Variants in ATRNL1 observed in about 807,000 individuals in gnomAD.
ATRNL1 encodes the protein attractin like 1, also known as attractin-like protein 1.
In ATRNL1, 95 loss-of-function variants were observed where a neutral mutation model predicts 182.7. The observed-to-expected ratio is 0.52, with a 90% confidence interval of 0.44 to 0.62. The LOEUF (loss-of-function observed/expected upper bound fraction) is 0.62. Ranked by LOEUF, ATRNL1 falls within the 20% of genes least tolerant of loss-of-function variation. The pLI, the probability that ATRNL1 is intolerant of heterozygous loss-of-function variation, is 0.00. For synonymous variants in ATRNL1, 576 were observed against 568.3 expected, an observed-to-expected ratio of 1.01 and a Z score of -0.19; for missense variants, 1,471 against 1,679.5, an observed-to-expected ratio of 0.88 and a Z score of 2.17.
Position 115,093,769 on chromosome 10 carries a change from G to C in ATRNL1, c.19G>C (p.Ala7Pro). Reference sequence around the variant, plus strand: ...GGGGAAGATGGAGACTGGGGGCCGGGCCCGCACTGGTACCCCGCAGCCAGC... The same window carrying C: ...GGGGAAGATGGAGACTGGGGGCCGGCCCCGCACTGGTACCCCGCAGCCAGC... The part of the protein sequence containing the change: METGGR[A>P]RTGTPQPAAP... The change falls in exon 1 of 29, where the codon GCC (alanine) becomes CCC (proline). Residue 7 changes from alanine to proline, a missense_variant. Physicochemically the swap from Ala to Pro is conservative, Grantham distance 27 (BLOSUM62 -1). Around this residue, in one of 3 missense-constraint regions of ATRNL1, gnomAD observed 1,031 missense variants for 1,156.0 expected, o/e 0.89. Coordinates refer to ENST00000355044, the MANE Select transcript of ATRNL1 (RefSeq NM_207303.4). The surrounding 1 kb of genome is among the most constrained non-coding windows in gnomAD (Gnocchi z 6.1). The C allele has an allele frequency of 7.7e-6, 11 of 1,423,450 alleles. No homozygotes were observed. Among genetic ancestry groups the C allele is most frequent in the Non-Finnish European group, 9.1e-6 (10 of 1,096,412 alleles). The allele number at this position is 1,423,450 out of a possible 1,614,324, so 88.2% of individuals were successfully genotyped here.
chr10:115,648,241 T>C (rs974409791), intron 26 of ATRNL1, among the ~76,000 whole-genome samples: 1 of 152,074 alleles, frequency 6.6e-6, no homozygotes, highest in East Asian at 1.9e-4. Flanking sequence ...GGAATCCAAC[T>C]TACAAGGGAT....
intron 14 of ATRNL1, among the ~76,000 whole-genome samples, chr10:115,285,475 T>C (rs1852564692): frequency 6.6e-6 from 1 of 152,120 alleles, no homozygotes; most frequent in Non-Finnish European, 1.5e-5. Flanking sequence ...TAGATCAGTA[T>C]ATCAATGAAA....
At chr10:115,251,712 T>G (rs1256969496) in intron 10 of ATRNL1, among the ~76,000 whole-genome samples, 2 of 152,032 alleles carry the variant, frequency 1.3e-5, no homozygotes, top group Non-Finnish European at 2.9e-5. Flanking sequence ...GTGCACATTT[T>G]TAGACTTTTA....
intron 27 of ATRNL1, among the ~76,000 whole-genome samples, chr10:115,821,030 G>A (rs1281360990): frequency 6.6e-6 from 1 of 152,090 alleles, no homozygotes; most frequent in African/African-American, 2.4e-5. Flanking sequence ...ACTTTCTCAA[G>A]CCTGCTGCCA....
At chr10:115,365,104 C>T (rs1856960140) in intron 19 of ATRNL1, among the ~76,000 whole-genome samples, 1 of 150,434 alleles carries the variant, frequency 6.6e-6, no homozygotes, top group Admixed American at 6.6e-5. Context: ...GGTACCAGTT[C>T]CTCCTTGTAC....
At chr10:115,238,287 A>C (rs1850269504) in intron 9 of ATRNL1, among the ~76,000 whole-genome samples, 1 of 152,326 alleles carries the variant, frequency 6.6e-6, no homozygotes, top group South Asian at 2.1e-4. Context: ...TTATTACTAA[A>C]AATCTTGCTG....
intron 28 of ATRNL1, among the ~76,000 whole-genome samples, chr10:115,908,666 G>A (rs1565478010): frequency 6.6e-6 from 1 of 152,122 alleles, no homozygotes. Context: ...TGCCACAGAG[G>A]CACAAGGCAA....
chr10:115,834,300 T>G (rs1285033560), intron 27 of ATRNL1, among the ~76,000 whole-genome samples: 1 of 152,222 alleles, frequency 6.6e-6, no homozygotes, highest in Non-Finnish European at 1.5e-5. Context: ...ATCAGATATT[T>G]TAAAGCTTCC....
At chr10:115,713,482 T>TG (rs1228637310) in intron 26 of ATRNL1, among the ~76,000 whole-genome samples, 1 of 152,014 alleles carries the variant, frequency 6.6e-6, no homozygotes, top group African/African-American at 2.4e-5. Context: ...TGTGTGTCTG[T>TG]GTGAAGATGA....
chr10:115,219,654 G>A (rs1849369286), intron 9 of ATRNL1, among the ~76,000 whole-genome samples: 1 of 152,220 alleles, frequency 6.6e-6, no homozygotes, highest in Non-Finnish European at 1.5e-5. Context: ...TGTGATGCCA[G>A]CACTTTGTGA....
At chr10:115,264,860 A>G (rs1244191404) in intron 10 of ATRNL1, among the ~76,000 whole-genome samples, 1 of 151,630 alleles carries the variant, frequency 6.6e-6, no homozygotes, top group Non-Finnish European at 1.5e-5. Flanking sequence ...CTATACTGAC[A>G]TTCATAAGTT....
intron 27 of ATRNL1, among the ~76,000 whole-genome samples, chr10:115,749,454 A>G (rs1342327661): frequency 2.6e-5 from 4 of 151,860 alleles, no homozygotes; most frequent in Non-Finnish European, 4.4e-5. Flanking sequence ...AGTTTTCATT[A>G]TATATTAGTA....
intron 26 of ATRNL1, among the ~76,000 whole-genome samples, chr10:115,559,407 T>G (rs1853527874): frequency 6.9e-6 from 1 of 144,694 alleles, no homozygotes; most frequent in Admixed American, 7.0e-5. Flanking sequence ...ACTCTCATTC[T>G]TGGTGTTTGT....
chr10:115,515,366 A>T (rs1850586928), intron 24 of ATRNL1, among the ~76,000 whole-genome samples: 1 of 136,160 alleles, frequency 7.3e-6, no homozygotes. Context: ...ATATATTTTA[A>T]TATTGGAAGT....
intron 27 of ATRNL1, among the ~76,000 whole-genome samples, chr10:115,834,960 A>C (rs1950636354): frequency 6.6e-6 from 1 of 152,210 alleles, no homozygotes; most frequent in African/African-American, 2.4e-5. Context: ...TACTTGGAAC[A>C]TGTATTAGTA....
intron 28 of ATRNL1, among the ~76,000 whole-genome samples, chr10:115,906,177 A>C (rs1952497655): frequency 6.6e-6 from 1 of 152,178 alleles, no homozygotes; most frequent in African/African-American, 2.4e-5. Flanking sequence ...TGTTTTAAAA[A>C]TTATAATTAT....
intron 21 of ATRNL1, among the ~76,000 whole-genome samples, chr10:115,438,149 A>C (rs1846494741): frequency 6.6e-6 from 1 of 152,032 alleles, no homozygotes; most frequent in South Asian, 2.1e-4. Context: ...TTTATATCTA[A>C]GAATTCTTCT....
intron 8 of ATRNL1, among the ~76,000 whole-genome samples, chr10:115,205,937 C>T (rs1341261260): frequency 1.3e-5 from 2 of 152,016 alleles, no homozygotes; most frequent in Non-Finnish European, 2.9e-5. Flanking sequence ...TTCCTCATTC[C>T]AAGTTGCCTT....
At chr10:115,382,806 A>C (rs1202475480) in intron 19 of ATRNL1, among the ~76,000 whole-genome samples, 1 of 151,830 alleles carries the variant, frequency 6.6e-6, no homozygotes, top group Non-Finnish European at 1.5e-5. Flanking sequence ...AGTGGGAGAA[A>C]AGATTCTGTT....
Sources: gnomAD v4.1 joint callset for allele counts (sites outside exome capture counted in the v4.1 genomes callset) on GRCh38, gnomAD v4.1.1 for gene constraint, gnomAD v4.1.1 regional missense constraint, Gnocchi (gnomAD v3.1) non-coding constraint, MANE v1.5 for transcripts, NCBI Gene and HGNC (gene_info 2026-07-23, HGNC 2026-07-21) for gene names.